The following MTDH variants were observed in gnomAD, a reference collection of about 807,000 sequenced individuals.
The protein encoded by MTDH is metadherin.
A neutral mutation model predicts 72.7 loss-of-function variants in MTDH; 34 were observed. That is an observed-to-expected ratio of 0.47 (90% confidence interval 0.36 to 0.62). The LOEUF is 0.62. Among genes scored for constraint, MTDH ranks in the 20% least tolerant of loss-of-function variants. The probability of loss-of-function intolerance (pLI) is 0.00; values close to 1 mark genes in which losing one functional copy is unlikely to be tolerated. For missense variants in MTDH, 677 were observed against 699.4 expected, an observed-to-expected ratio of 0.97 and a Z score of 0.36; for synonymous variants, 266 against 268.9, an observed-to-expected ratio of 0.99 and a Z score of 0.10.
chr8:97,687,579 T>G lies in MTDH; in HGVS notation c.719T>G (p.Phe240Cys). Reference protein sequence around the residue: ...VTTEQLTTASFPVGSKKNKGD... With the variant: ...VTTEQLTTASCPVGSKKNKGD... ...ACCGAGCAACTTACAACCGCATCAT[T>G]TCCTGTTGGTTCCAAGAAGAATAAA... The change falls in exon 4 of 12, where the codon TTT becomes TGT. Residue 240 changes from phenylalanine to cysteine, a missense_variant. Coordinates refer to ENST00000336273, the MANE Select transcript of MTDH (RefSeq NM_178812.4). 1.2e-6 allele frequency: 2 copies of G among 1,609,392 alleles called. No individual in the cohort carries two copies. The highest frequency in any genetic ancestry group is 8.5e-7 in the Non-Finnish European group (1 of 1,178,264).
At chr8:97,672,966 T>C (rs1462889689) in intron 2 of MTDH, among the ~76,000 whole-genome samples, 3 of 152,202 alleles carry the variant, frequency 2.0e-5, no homozygotes, top group East Asian at 3.8e-4. Context: ...TATACAAATA[T>C]AGTAGCTCAG....
chr8:97,708,079 G>C lies in MTDH; in HGVS notation c.1272+1329G>C, dbSNP rs183345267. ...TGCCTCCTGAGTTCAAGCAATTCTC[G>C]TGCCTCAGCCTCCCAGTAGCTGGGA... is the stretch of plus-strand genomic sequence containing the variant. On this transcript the variant is annotated intron_variant, in intron 8 of 11. Transcript: ENST00000336273. Among the ~76,000 whole-genome samples the C allele has an allele frequency of 2.1e-3, 318 of 150,628 alleles. 1 individual carries two copies. The highest frequency in any genetic ancestry group is 3.0e-3 in the Non-Finnish European group (200 of 67,768).
intron 2 of MTDH, among the ~76,000 whole-genome samples, chr8:97,671,732 A>G (rs920549453): frequency 5.3e-5 from 8 of 152,082 alleles, no homozygotes; most frequent in South Asian, 2.1e-4. Context: ...AGTCCCAGCT[A>G]CTTGGGAGGC....
At chr8:97,673,162 C>T (rs55926446) in intron 2 of MTDH, among the ~76,000 whole-genome samples, 23,708 of 152,122 alleles carry the variant, frequency 0.16, 2,020 homozygotes, top group East Asian at 0.33. Context: ...TCTTGTGAAA[C>T]TTAGTCGGGA....
intron 2 of MTDH, among the ~76,000 whole-genome samples, chr8:97,679,335 T>A (rs1391033569): frequency 1.3e-5 from 2 of 152,082 alleles, no homozygotes; most frequent in African/African-American, 2.4e-5. Context: ...AAAATGATGA[T>A]GATGATAATA....
intron 1 of MTDH, among the ~76,000 whole-genome samples, 183 bp from the exon 2 acceptor site, chr8:97,660,889 A>G (rs1466708537): frequency 7.1e-6 from 1 of 140,748 alleles, no homozygotes; most frequent in Non-Finnish European, 1.5e-5. Flanking sequence ...AATTTTATAT[A>G]TATATATATA....
In MTDH at chr8:97,644,748, A is replaced by G. The variant is rs1811495566; in HGVS notation, c.242A>G (p.Lys81Arg). ...WAAACAGARK[K>R]RRSPPRKREE... Reference sequence around the variant, plus strand: ...GCGGCTTGCGCCGGCGCCCGCAAAAAGCGGAGGAGCCCGCCCCGCAAGCGG... The same window carrying G: ...GCGGCTTGCGCCGGCGCCCGCAAAAGGCGGAGGAGCCCGCCCCGCAAGCGG... Residue 81 changes from lysine (K) to arginine (R), a missense_variant, in exon 1 of 12, where the codon AAG (lysine) becomes AGG (arginine). By Grantham distance (26) the Lys-to-Arg change is conservative. Coordinates refer to ENST00000336273, the MANE Select transcript of MTDH (RefSeq NM_178812.4). 3 of 1,572,382 alleles carry G rather than the reference A, an allele frequency of 1.9e-6. No homozygotes were observed. Among genetic ancestry groups the G allele is most frequent in the Non-Finnish European group, 2.6e-6 (3 of 1,166,284 alleles).
intron 7 of MTDH, 51 bp downstream of exon 7, chr8:97,699,903 A>G: frequency 8.5e-7 from 1 of 1,182,532 alleles, no homozygotes. Context: ...TTTTCTTTCT[A>G]GCACCCTGAA....
intron 7 of MTDH, among the ~76,000 whole-genome samples, chr8:97,700,726 A>G (rs1814084324): frequency 6.6e-6 from 1 of 152,238 alleles, no homozygotes; most frequent in African/African-American, 2.4e-5. Flanking sequence ...TCCAGATGAA[A>G]AAGTTGTGAC....
At chr8:97,655,443 A>G (rs181139565) in intron 1 of MTDH, among the ~76,000 whole-genome samples, 18 of 152,356 alleles carry the variant, frequency 1.2e-4, no homozygotes, top group Admixed American at 1.1e-3. Context: ...AGCCTGGACT[A>G]TTTTAAGCCT....
intron 6 of MTDH, among the ~76,000 whole-genome samples, chr8:97,694,551 A>G (rs1452931374): frequency 1.3e-5 from 2 of 152,112 alleles, no homozygotes; most frequent in Non-Finnish European, 2.9e-5. Flanking sequence ...ATTTAATTAT[A>G]TTGTTTTTAA....
chr8:97,657,365 G>T (rs913850387), intron 1 of MTDH, among the ~76,000 whole-genome samples: 2 of 152,212 alleles, frequency 1.3e-5, no homozygotes, highest in Admixed American at 1.3e-4. Context: ...GATTGGCCCT[G>T]GTGGGGAAGA....
intron 6 of MTDH, among the ~76,000 whole-genome samples, chr8:97,698,977 G>A (rs1214103970): frequency 2.0e-5 from 3 of 151,106 alleles, no homozygotes; most frequent in East Asian, 1.9e-4. Context: ...CTATCTCTAC[G>A]AAAAATTTTT....
At chr8:97,664,500 G>T (rs1812300256) in intron 2 of MTDH, among the ~76,000 whole-genome samples, 1 of 152,086 alleles carries the variant, frequency 6.6e-6, no homozygotes, top group Non-Finnish European at 1.5e-5. Context: ...TTGGTTTCTT[G>T]CCTATTCTAT....
chr8:97,666,122 C>T (rs1452456599), intron 2 of MTDH, among the ~76,000 whole-genome samples: 3 of 137,280 alleles, frequency 2.2e-5, no homozygotes, highest in Middle Eastern at 3.9e-3. Context: ...AGCGAGACTC[C>T]GTCTCAAAAA....
At chr8:97,699,719 A>G (rs1359417342) in intron 6 of MTDH, 35 bp from the exon 7 acceptor site, 8 of 1,376,506 alleles carry the variant, frequency 5.8e-6, no homozygotes, top group Admixed American at 1.7e-5. Context: ...AGGAAATTCC[A>G]TTTTTAATTT....
At chr8:97,717,232 C>T (rs1814911512) in intron 9 of MTDH, among the ~76,000 whole-genome samples, 2 of 152,130 alleles carry the variant, frequency 1.3e-5, no homozygotes, top group African/African-American at 2.4e-5. Flanking sequence ...GTCAGAAGAA[C>T]ATTAAGATCA....
chr8:97,697,108 ACT>A (rs1233791019), intron 6 of MTDH, among the ~76,000 whole-genome samples: 1 of 123,688 alleles, frequency 8.1e-6, no homozygotes, highest in East Asian at 2.5e-4. Context: ...ACAGAGTGAG[ACT>A]CTGTCTCACA....
chr8:97,699,924 A>G lies in MTDH; in HGVS notation c.1147+72A>G. 6 of 943,728 alleles carry G rather than the reference A, an allele frequency of 6.4e-6. No individual in the cohort carries two copies. The South Asian group carries it at 7.8e-5, about 12-fold the overall frequency. The allele number at this position is 943,728 out of a possible 1,614,324, so 58.5% of individuals were successfully genotyped here. A position where few individuals can be genotyped will look rare whatever the true frequency, so the allele number is the denominator to read the frequency against. ...TTCTAGCACCCTGAATTCATGCTTT[A>G]TGTTTTAATTTTAATTCTAATTTCT... is the stretch of plus-strand genomic sequence containing the variant. On this transcript the variant is annotated intron_variant, in intron 7 of 11. Transcript: ENST00000336273.
Sources: allele counts gnomAD v4.1 joint callset (sites outside exome capture counted in the v4.1 genomes callset), GRCh38; gene constraint gnomAD v4.1.1; transcripts MANE v1.5; gene names NCBI Gene and HGNC (gene_info 2026-07-23, HGNC 2026-07-21).